Variants in KIT observed in about 807,000 individuals in gnomAD.
KIT encodes KIT proto-oncogene, receptor tyrosine kinase, also known as mast/stem cell growth factor receptor Kit.
Under a neutral mutation model 105.7 loss-of-function variants are expected in KIT, and 16 were observed. The ratio of observed to expected loss-of-function variants is 0.15; its 90% CI spans 0.10 to 0.23. KIT has a LOEUF of 0.23. Ranked by LOEUF, KIT falls within the 10% of genes least tolerant of loss-of-function variation. The pLI, the probability that KIT is intolerant of heterozygous loss-of-function variation, is 1.00. For missense variants in KIT, 858 were observed against 1,213.8 expected, an observed-to-expected ratio of 0.71 and a Z score of 4.36; for synonymous variants, 438 against 441.1, an observed-to-expected ratio of 0.99 and a Z score of 0.09.
chr4:54,717,890 A>G (rs990832814), intron 7 of KIT, among the ~76,000 whole-genome samples: 2 of 152,004 alleles, frequency 1.3e-5, no homozygotes, highest in African/African-American at 4.8e-5. Flanking sequence ...TGATGTGTGT[A>G]CAGGTCTTCC....
rs1261551799 is a variant in KIT, at chr4:54,707,417, C to G, written c.1115+130C>G. On this transcript the variant is annotated intron_variant, in intron 6 of 20. Transcript: ENST00000288135. ...TAAAGAAGAAAGTCTGGGGCTGCCTCCTATGTCCTCATCCTAGTATTCCAT... is the reference window on the plus strand; with the variant it reads ...TAAAGAAGAAAGTCTGGGGCTGCCTGCTATGTCCTCATCCTAGTATTCCAT... 7.1e-6 allele frequency: 5 copies of G among 702,978 alleles called. No individual in the cohort carries two copies. The Admixed American group carries it at 8.6e-5, about 12-fold the overall frequency. The allele number at this position is 702,978 out of a possible 1,614,324, so 43.5% of individuals were successfully genotyped here.
chr4:54,701,135 G>A (rs918449556), intron 4 of KIT, among the ~76,000 whole-genome samples: 1 of 152,122 alleles, frequency 6.6e-6, no homozygotes, highest in Non-Finnish European at 1.5e-5. Context: ...TTTTTCCCAG[G>A]AGCCCTGCAT....
chr4:54,678,456 G>A (rs1417968865), intron 1 of KIT, among the ~76,000 whole-genome samples: 1 of 149,940 alleles, frequency 6.7e-6, no homozygotes, highest in Non-Finnish European at 1.5e-5. Flanking sequence ...GTCAAGTGCA[G>A]TAATTATAGT....
At chr4:54,682,436 CT>C (rs368264394) in intron 1 of KIT, among the ~76,000 whole-genome samples, 27 of 147,164 alleles carry the variant, frequency 1.8e-4, no homozygotes, top group Admixed American at 2.7e-4. Flanking sequence ...TCTTTTTTTT[CT>C]TTTTTTTTTG....
At chr4:54,702,276 T>TA (rs1235999873) in intron 4 of KIT, among the ~76,000 whole-genome samples, 1 of 152,076 alleles carries the variant, frequency 6.6e-6, no homozygotes, top group Non-Finnish European at 1.5e-5. Flanking sequence ...TTACAAAAAA[T>TA]AAAAAAGGTA....
chr4:54,672,340 T>A (rs899932651), intron 1 of KIT, among the ~76,000 whole-genome samples: 3 of 152,088 alleles, frequency 2.0e-5, no homozygotes, highest in African/African-American at 7.2e-5. Flanking sequence ...GTAAGTGGTG[T>A]GTTCTCTTGT....
chr4:54,738,301 T>A, intron 20 of KIT, 128 bp from the exon 21 acceptor site: 1 of 1,170,280 alleles, frequency 8.5e-7, no homozygotes, highest in East Asian at 2.4e-5. Context: ...GGCCACAAAG[T>A]TCTTGGAAAC....
chr4:54,701,226 T>C (rs116450030), intron 4 of KIT, among the ~76,000 whole-genome samples: 2,491 of 152,304 alleles, frequency 0.016, 69 homozygotes, highest in African/African-American at 0.057. Flanking sequence ...AGTGTGCACC[T>C]CCAAGGGTTA....
chr4:54,714,135 G>A (rs1017328193), intron 7 of KIT, among the ~76,000 whole-genome samples: 1 of 152,190 alleles, frequency 6.6e-6, no homozygotes, highest in Non-Finnish European at 1.5e-5. Flanking sequence ...GATCTGAAAT[G>A]TTTGATATCC....
intron 4 of KIT, 49 bp downstream of exon 4, chr4:54,699,815 A>G (rs952507525): frequency 1.4e-5 from 23 of 1,607,954 alleles, no homozygotes; most frequent in Non-Finnish European, 1.9e-5. Flanking sequence ...GTGGGAGATG[A>G]TAAGTTTTCT....
chr4:54,709,573 A>G, intron 7 of KIT, 34 bp downstream of exon 7: 3 of 1,337,810 alleles, frequency 2.2e-6, no homozygotes, highest in South Asian at 1.2e-5. Context: ...TTAATTTTTT[A>G]TTCTTTTAAA....
At chr4:54,714,921 C>T (rs1721374714) in intron 7 of KIT, among the ~76,000 whole-genome samples, 1 of 152,136 alleles carries the variant, frequency 6.6e-6, no homozygotes, top group African/African-American at 2.4e-5. Flanking sequence ...TAATGTTGAG[C>T]TAGATTGGAA....
intron 1 of KIT, among the ~76,000 whole-genome samples, chr4:54,669,097 A>G (rs187689953): frequency 1.3e-5 from 2 of 152,352 alleles, no homozygotes; most frequent in African/African-American, 4.8e-5. Flanking sequence ...AAAATACTTA[A>G]TTGGAATGTT....
chr4:54,709,313 G>T (rs942213351), intron 6 of KIT, 111 bp from the exon 7 acceptor site: 1 of 740,018 alleles, frequency 1.4e-6, no homozygotes, highest in East Asian at 2.6e-5. Flanking sequence ...TGAATTAAAT[G>T]AGTTATATTT....
At chr4:54,666,529 C>T (rs549937772) in intron 1 of KIT, among the ~76,000 whole-genome samples, 1 of 152,234 alleles carries the variant, frequency 6.6e-6, no homozygotes, top group East Asian at 1.9e-4. Context: ...CCACACACCT[C>T]GGCCTCCCAA....
intron 2 of KIT, 75 bp from the exon 3 acceptor site, chr4:54,698,209 T>C (rs1170074361): frequency 4.1e-6 from 6 of 1,449,638 alleles, no homozygotes; most frequent in African/African-American, 1.4e-5. Flanking sequence ...AGGCAACATA[T>C]TAGATCTTTT....
At chr4:54,728,528 T>C (rs1296236525) in intron 13 of KIT, among the ~76,000 whole-genome samples, 1 of 152,192 alleles carries the variant, frequency 6.6e-6, no homozygotes, top group Non-Finnish European at 1.5e-5. Flanking sequence ...ATACACCAAA[T>C]GAGGCAAACA....
intron 7 of KIT, among the ~76,000 whole-genome samples, chr4:54,709,831 G>GT (rs1721025719): frequency 6.6e-6 from 1 of 152,180 alleles, no homozygotes; most frequent in South Asian, 2.1e-4. Flanking sequence ...GAGGGAAAAT[G>GT]TATTATTATT....
chr4:54,705,719 C>CA (rs1223917194), intron 5 of KIT, among the ~76,000 whole-genome samples: 1 of 151,854 alleles, frequency 6.6e-6, no homozygotes, highest in Non-Finnish European at 1.5e-5. Flanking sequence ...CCCATTTCTA[C>CA]AAAAAATACA....
Sources: gnomAD v4.1 joint callset for allele counts (sites outside exome capture counted in the v4.1 genomes callset) on GRCh38, gnomAD v4.1.1 for gene constraint, MANE v1.5 for transcripts, NCBI Gene and HGNC (gene_info 2026-07-23, HGNC 2026-07-21) for gene names.